The following FUBP1 variants were observed in gnomAD, a reference collection of about 807,000 sequenced individuals.
The protein encoded by FUBP1 is far upstream element-binding protein 1.
Under a neutral mutation model 94.9 loss-of-function variants are expected in FUBP1, and 16 were observed. The observed-to-expected ratio is 0.17, with a 90% confidence interval of 0.11 to 0.26. FUBP1 has a LOEUF of 0.26. FUBP1 is among the 10% of genes least tolerant of loss of function. FUBP1 has a pLI of 1.00. For missense variants in FUBP1, 583 were observed against 808.6 expected (o/e 0.72, Z 3.38); for synonymous variants, 279 against 254.9 (o/e 1.09, Z -0.90).
chr1:77,974,963 G>A (rs559361084), intron 1 of FUBP1, among the ~76,000 whole-genome samples: 1 of 152,194 alleles, frequency 6.6e-6, no homozygotes, highest in South Asian at 2.1e-4. Context: ...TATATAAAAT[G>A]GTACAGTATC....
Position 77,944,887 on chromosome 1 carries a change from G to GA in FUBP1, c.*3878dup, listed in dbSNP as rs908424659. Reference sequence around the variant, plus strand: ...AAAACTATACTTCTCATTTCTAAAAGAAACATCAAACCATAGAATTCTAAG... The same window carrying GA: ...AAAACTATACTTCTCATTTCTAAAAGAAAACATCAAACCATAGAATTCTAAG... On this transcript the variant is annotated 3_prime_UTR_variant, in exon 20 of 20. Transcript: ENST00000370768. Among the ~76,000 whole-genome samples the GA allele has an allele frequency of 6.6e-6, 1 of 151,658 alleles. No individual in the cohort carries two copies. The highest frequency in any genetic ancestry group is 1.5e-5 in the Non-Finnish European group (1 of 67,776).
intron 2 of FUBP1, among the ~76,000 whole-genome samples, chr1:77,969,275 A>G (rs894768268): frequency 5.9e-5 from 9 of 152,264 alleles, no homozygotes; most frequent in African/African-American, 2.2e-4. Flanking sequence ...AAAAAAGGGT[A>G]AAAAGAAAAT....
rs115097293 is a variant in FUBP1 at position 77,971,113 on chromosome 1, T to C, written c.121-1098A>G. Among the ~76,000 whole-genome samples, 422 of 151,132 alleles carry C rather than the reference T, an allele frequency of 2.8e-3. 2 individuals carry two copies. Among genetic ancestry groups the C allele is most frequent in the African/African-American group, 9.9e-3 (406 of 41,198 alleles). On this transcript the variant is annotated intron_variant, in intron 1 of 19. Transcript: ENST00000370768. ...CAAGTAGGGCACAATCAGCAGATAC[T>C]TACTGAATTTTTCTATAAAAGGACA...
intron 1 of FUBP1, among the ~76,000 whole-genome samples, chr1:77,977,473 A>C (rs1266015200): frequency 6.6e-6 from 1 of 152,142 alleles, no homozygotes; most frequent in African/African-American, 2.4e-5. Context: ...TTGCAGTGGG[A>C]CGAGATCGCA....
intron 16 of FUBP1, among the ~76,000 whole-genome samples, chr1:77,958,923 T>C (rs1012912520): frequency 6.6e-6 from 1 of 152,222 alleles, no homozygotes; most frequent in African/African-American, 2.4e-5. Flanking sequence ...TATTATATCC[T>C]GTACCCTGTG....
At chr1:77,954,227 C>T (rs187636916) in intron 18 of FUBP1, among the ~76,000 whole-genome samples, 6 of 152,220 alleles carry the variant, frequency 3.9e-5, no homozygotes, top group Admixed American at 3.9e-4. Context: ...AATAGCATCC[C>T]TATTCATTCT....
intron 1 of FUBP1, among the ~76,000 whole-genome samples, chr1:77,971,703 A>T (rs558162583): frequency 5.0e-5 from 6 of 119,184 alleles, no homozygotes; most frequent in East Asian, 4.8e-4. Flanking sequence ...ATTGCTTGAT[A>T]AAAAAAAAAA....
At chr1:77,973,665 T>TTGAGGTGAGAGG (rs981558208) in intron 1 of FUBP1, among the ~76,000 whole-genome samples, 2 of 152,214 alleles carry the variant, frequency 1.3e-5, no homozygotes, top group Non-Finnish European at 2.9e-5. Flanking sequence ...CTCACCTCTA[T>TTGAGGTGAGAGG]TGAGGAAGCC....
In FUBP1 at chr1:77,965,125, C is replaced by T; in HGVS notation, c.580G>A (p.Ala194Thr). ...GNAVQEIMIP[A>T]SKAGLVIGKG... Reference sequence around the variant, plus strand: ...CCAATGACTAATCCTGCCTTGCTAGCTGGAATCATGATTTCTTGAACTGCA... The same window carrying T: ...CCAATGACTAATCCTGCCTTGCTAGTTGGAATCATGATTTCTTGAACTGCA... The change falls in exon 8 of 20, where the codon GCT (alanine) becomes ACT (threonine). Residue 194 changes from alanine (A) to threonine (T), a missense_variant. Physicochemically the swap from Ala to Thr is moderately conservative, Grantham distance 58. Transcript: ENST00000370768. 1.2e-6 allele frequency: 2 copies of T among 1,612,792 alleles called. No individual in the cohort carries two copies. Among genetic ancestry groups the T allele is most frequent in the South Asian group, 1.1e-5 (1 of 91,040 alleles).
At chr1:77,970,588 C>CAA (rs768699459) in intron 1 of FUBP1, among the ~76,000 whole-genome samples, 2 of 152,130 alleles carry the variant, frequency 1.3e-5, no homozygotes, top group Non-Finnish European at 2.9e-5. Context: ...ACATGTGGCT[C>CAA]ACATTGTACT....
intron 7 of FUBP1, 27 bp downstream of exon 7, chr1:77,966,667 T>TAGATTTTTA (rs1446877551): frequency 6.0e-6 from 7 of 1,164,880 alleles, no homozygotes; most frequent in Non-Finnish European, 9.0e-6. Flanking sequence ...GTTACTTAAG[T>TAGATTTTTA]AGATTTTTAA....
intron 10 of FUBP1, 70 bp from the exon 11 acceptor site, chr1:77,964,426 A>G (rs963414054): frequency 7.6e-5 from 73 of 954,322 alleles, no homozygotes; most frequent in Non-Finnish European, 9.8e-5. Context: ...AAGTATTTTA[A>G]AAAAGCGCCA....
rs147094995 is a variant in FUBP1, at chr1:77,965,211, T to C, written c.494A>G (p.Asp165Gly). Residue 165 changes from aspartate to glycine, a missense_variant, in exon 8 of 20, where the codon GAC becomes GGC. Transcript: ENST00000370768. ...TGGTCTTCCTTTTTCAACAATCTGGTCCAGTAACCGTTTTGCTGACCTGTT... is the reference window on the plus strand; with the variant it reads ...TGGTCTTCCTTTTTCAACAATCTGGCCCAGTAACCGTTTTGCTGACCTGTT... ...ESVQSAKRLL[D>G]QIVEKGRPAP... 6.2e-5 allele frequency: 99 copies of C among 1,606,222 alleles called. No homozygotes were observed. Among genetic ancestry groups the C allele is most frequent in the Non-Finnish European group, 8.2e-5 (96 of 1,173,508 alleles).
In FUBP1 at chr1:77,970,028, A is replaced by G; in HGVS notation, c.121-13T>C. The G allele has an allele frequency of 3.5e-6, 5 of 1,424,956 alleles. No individual in the cohort carries two copies. Among genetic ancestry groups the G allele is most frequent in the Non-Finnish European group, 2.9e-6 (3 of 1,021,884 alleles). The allele number at this position is 1,424,956 out of a possible 1,614,324, so 88.3% of individuals were successfully genotyped here. A position where few individuals can be genotyped will look rare whatever the true frequency, so the allele number is the denominator to read the frequency against. The stretch of plus-strand genomic sequence containing the variant: ...TTTTTGCTGCAATCTAAAAAAAAAA[A>G]AGAAAAATACCATCATAAACTATTA... On this transcript the variant is annotated splice_polypyrimidine_tract_variant and intron_variant, in intron 1 of 19. Coordinates refer to ENST00000370768, the MANE Select transcript of FUBP1 (RefSeq NM_003902.5).
At position 77,944,795 on chromosome 1, in the gene FUBP1, A is replaced by G. The variant is rs1651807137; in HGVS notation, c.*3971T>C. On this transcript the variant is annotated 3_prime_UTR_variant, in exon 20 of 20. Transcript: ENST00000370768. ...ATTTGTTTAAAAGATATATTTTACA[A>G]TGTTTATAAACAACTAGTATCAAAT... Among the ~76,000 whole-genome samples the G allele has an allele frequency of 6.6e-6, 1 of 151,996 alleles. No homozygotes were observed. The highest frequency in any genetic ancestry group is 1.5e-5 in the Non-Finnish European group (1 of 67,870).
chr1:77,968,117 T>A (rs74092340), intron 3 of FUBP1, 48 bp downstream of exon 3: 5 of 1,212,486 alleles, frequency 4.1e-6, no homozygotes, highest in South Asian at 2.8e-5. Flanking sequence ...AATCTTAACA[T>A]TGAAATTGTT....
At chr1:77,959,682 C>T (rs1027160621) in intron 16 of FUBP1, among the ~76,000 whole-genome samples, 1 of 152,076 alleles carries the variant, frequency 6.6e-6, no homozygotes, top group Admixed American at 6.6e-5. Flanking sequence ...CAGGCACATA[C>T]CACCCTGCCC....
intron 7 of FUBP1, 116 bp from the exon 8 acceptor site, chr1:77,965,347 C>T (rs1656276444): frequency 1.9e-6 from 1 of 527,224 alleles, no homozygotes; most frequent in South Asian, 4.6e-5. Flanking sequence ...GGATTAGGTG[C>T]CTTGATGCTA....
Position 77,964,933 on chromosome 1 carries a change from G to A in FUBP1, c.672C>T (p.Asp224=), listed in dbSNP as rs151335877. ...RAGVKMVMIQ[D]GPQNTGADKP... ...TGTCAGCACCAGTGTTCTGCGGCCC[G>A]TCTTGAATCATAACCATTTTAACTC... Residue 224 remains aspartate, a synonymous_variant, in exon 9 of 20, where the codon GAC becomes GAT. Coordinates refer to ENST00000370768, the MANE Select transcript of FUBP1 (RefSeq NM_003902.5). The A allele has an allele frequency of 2.6e-4, 415 of 1,612,300 alleles. No homozygotes were observed. Among genetic ancestry groups the A allele is most frequent in the Non-Finnish European group, 3.2e-4 (382 of 1,178,452 alleles).
Sources: allele counts gnomAD v4.1 joint callset (sites outside exome capture counted in the v4.1 genomes callset), GRCh38; gene constraint gnomAD v4.1.1; transcripts MANE v1.5; gene names NCBI Gene and HGNC (gene_info 2026-07-23, HGNC 2026-07-21).